The following PHF24 variants were observed in gnomAD, a reference collection of about 807,000 sequenced individuals.
PHF24 encodes PHD finger protein 24, also known as Galpha inhibitory interacting protein.
In PHF24, 25 loss-of-function variants were observed where a neutral mutation model predicts 42.6. The observed-to-expected ratio is 0.59, with a 90% CI of 0.43 to 0.82. The LOEUF (loss-of-function observed/expected upper bound fraction) is 0.82. PHF24 is among the 40% of genes least tolerant of loss of function. PHF24 has a pLI of 0.00. For missense variants in PHF24, 470 were observed against 538.1 expected (o/e 0.87, Z 1.25); for synonymous variants, 185 against 204.8 (o/e 0.90, Z 0.83).
At chr9:34,950,076 A>T in the PHF24 span, among the ~76,000 whole-genome samples, 1 of 152,082 alleles carries the variant, frequency 6.6e-6, no homozygotes, top group Non-Finnish European at 1.5e-5. Context: ...CACATGAAAA[A>T]TAAAATTTAT....
chr9:34,722,337 T>C, the PHF24 span, among the ~76,000 whole-genome samples: 107 of 152,294 alleles, frequency 7.0e-4, 1 homozygote, highest in Non-Finnish European at 1.3e-3. Flanking sequence ...CCTAAATAAC[T>C]GGAAAGATGG....
At chr9:34,939,754 CAG>C in the PHF24 span, among the ~76,000 whole-genome samples, 13 of 152,208 alleles carry the variant, frequency 8.5e-5, no homozygotes, top group African/African-American at 2.9e-4. Context: ...TACTTCTACT[CAG>C]GGGACTGAGG....
the PHF24 span, among the ~76,000 whole-genome samples, chr9:34,916,748 TTGTG>T: frequency 6.6e-6 from 1 of 152,218 alleles, no homozygotes; most frequent in East Asian, 1.9e-4. Context: ...TGTGGTTTGT[TTGTG>T]TGGTAAGTTT....
the PHF24 span, among the ~76,000 whole-genome samples, chr9:34,692,280 T>C: frequency 6.6e-6 from 1 of 152,352 alleles, no homozygotes; most frequent in East Asian, 1.9e-4. Context: ...TTTTTGATTG[T>C]TTACTATGTG....
At chr9:34,848,834 A>G in the PHF24 span, among the ~76,000 whole-genome samples, 3 of 151,988 alleles carry the variant, frequency 2.0e-5, no homozygotes, top group East Asian at 5.8e-4. Context: ...GAACATTTTT[A>G]TTTCTGCCTT....
chr9:34,677,389 GTTTTTTTT>G, the PHF24 span, among the ~76,000 whole-genome samples: 46 of 79,754 alleles, frequency 5.8e-4, 2 homozygotes, highest in Middle Eastern at 0.038. Flanking sequence ...TTTGTAAACT[GTTTTTTTT>G]TTTTTTTTTT....
At chr9:34,729,884 G>A in the PHF24 span, among the ~76,000 whole-genome samples, 1 of 152,218 alleles carries the variant, frequency 6.6e-6, no homozygotes, top group South Asian at 2.1e-4. Flanking sequence ...TGAATTTAGG[G>A]AGGGCGGAGT....
chr9:34,721,723 T>C, the PHF24 span, among the ~76,000 whole-genome samples: 6 of 152,172 alleles, frequency 3.9e-5, no homozygotes, highest in Non-Finnish European at 8.8e-5. Context: ...CCACTCTCTC[T>C]GGAATCCACT....
At chr9:34,799,947 C>T in the PHF24 span, among the ~76,000 whole-genome samples, 1 of 151,890 alleles carries the variant, frequency 6.6e-6, no homozygotes, top group East Asian at 1.9e-4. Context: ...TACACATTGA[C>T]ACAGAATGTG....
the PHF24 span, among the ~76,000 whole-genome samples, chr9:34,901,289 G>T: frequency 5.4e-4 from 82 of 152,246 alleles, no homozygotes; most frequent in Middle Eastern, 3.4e-3. Context: ...GACATTACAA[G>T]AATAGAAAAC....
chr9:34,747,100 G>A, the PHF24 span, among the ~76,000 whole-genome samples: 13 of 152,122 alleles, frequency 8.5e-5, no homozygotes, highest in South Asian at 2.1e-4. Context: ...CCAACAAGGC[G>A]GTTGTATTCA....
the PHF24 span, among the ~76,000 whole-genome samples, chr9:34,919,709 C>CACACACACACACACACACACAT: frequency 1.3e-5 from 2 of 152,156 alleles, no homozygotes; most frequent in South Asian, 2.1e-4. Flanking sequence ...CACACACACA[C>CACACACACACACACACACACAT]ATCCCAACCC....
chr9:34,780,257 G>GTTTTC, the PHF24 span, among the ~76,000 whole-genome samples: 12 of 131,954 alleles, frequency 9.1e-5, no homozygotes, highest in African/African-American at 2.8e-4. Context: ...ATTTGGCAAT[G>GTTTTC]TTTTCTTTTC....
chr9:34,720,708 C>T, the PHF24 span, among the ~76,000 whole-genome samples: 1 of 152,158 alleles, frequency 6.6e-6, no homozygotes, highest in Non-Finnish European at 1.5e-5. Flanking sequence ...ACTAGGATGC[C>T]ATCTCTGCCC....
chr9:34,794,120 T>C, the PHF24 span, among the ~76,000 whole-genome samples: 3 of 152,096 alleles, frequency 2.0e-5, no homozygotes, highest in Admixed American at 2.0e-4. Flanking sequence ...AAAGTGTACA[T>C]GCATTGATCT....
chr9:34,896,770 C>T, the PHF24 span, among the ~76,000 whole-genome samples: 3 of 152,148 alleles, frequency 2.0e-5, no homozygotes, highest in Non-Finnish European at 4.4e-5. Flanking sequence ...TGACCCCTAT[C>T]AATATTATGG....
At chr9:34,768,977 T>A in the PHF24 span, among the ~76,000 whole-genome samples, 21 of 151,914 alleles carry the variant, frequency 1.4e-4, no homozygotes, top group Non-Finnish European at 2.4e-4. Flanking sequence ...AATAAAAAAC[T>A]TTTGTGTATA....
the PHF24 span, among the ~76,000 whole-genome samples, chr9:34,763,785 A>G: frequency 6.6e-6 from 1 of 152,182 alleles, no homozygotes; most frequent in Admixed American, 6.5e-5. Flanking sequence ...CAGTTTTCAA[A>G]GGGAGTGCTT....
At chr9:34,846,990 T>C in the PHF24 span, among the ~76,000 whole-genome samples, 1 of 152,360 alleles carries the variant, frequency 6.6e-6, no homozygotes, top group Non-Finnish European at 1.5e-5. Flanking sequence ...CCATGCTGTT[T>C]TGCCTACTGT....
Sources: gnomAD v4.1 joint callset for allele counts (sites outside exome capture counted in the v4.1 genomes callset) on GRCh38, gnomAD v4.1.1 for gene constraint, MANE v1.5 for transcripts, NCBI Gene and HGNC (gene_info 2026-07-23, HGNC 2026-07-21) for gene names.